ADK: variants seen among roughly 807,000 people sequenced by gnomAD.
ADK encodes the protein N6,N6-dimethyladenosine kinase.
ADK carries 24 observed loss-of-function variants against 44.7 expected under a neutral mutation model. The ratio of observed to expected loss-of-function variants is 0.54; its 90% confidence interval spans 0.39 to 0.76. The LOEUF (loss-of-function observed/expected upper bound fraction) is 0.76, where lower values mean the gene tolerates loss of function less well. Ranked by LOEUF, ADK falls within the 30% of genes least tolerant of loss-of-function variation. The pLI is 0.00. For missense variants in ADK, 321 were observed against 425.1 expected, an observed-to-expected ratio of 0.76 and a Z score of 2.15; for synonymous variants, 128 against 142.6, an observed-to-expected ratio of 0.90 and a Z score of 0.73.
At position 74,412,100 on chromosome 10, in the gene ADK, C is replaced by G. The variant is rs1844202412; in HGVS notation, c.555+13521C>G. Among the ~76,000 whole-genome samples, 3 of 152,158 alleles carry G rather than the reference C, an allele frequency of 2.0e-5. No individual in the cohort carries two copies. In the South Asian group the frequency reaches 6.2e-4, roughly 31 times the overall value. On this transcript the variant is annotated intron_variant, in intron 6 of 10. Transcript: ENST00000539909. Reference sequence around the variant, plus strand: ...CTTCTTCCACTGAAGTCTTGAAGCCCTCAAAGTCATCCATGAGGGTTGGAA... The same window carrying G: ...CTTCTTCCACTGAAGTCTTGAAGCCGTCAAAGTCATCCATGAGGGTTGGAA...
intron 6 of ADK, among the ~76,000 whole-genome samples, chr10:74,520,436 A>C (rs77249353): frequency 0.048 from 7,302 of 151,938 alleles, 539 homozygotes; most frequent in African/African-American, 0.15. Flanking sequence ...GTTATAAATA[A>C]CTGAAATTTA....
rs531463603 is a variant in ADK, at chr10:74,311,644, A to G, written c.195-3023A>G. On this transcript the variant is annotated intron_variant, in intron 3 of 10. Transcript: ENST00000539909. The stretch of plus-strand genomic sequence containing the variant: ...AGAAACTTGGCTGGAAAAAATTGAT[A>G]TAAAGAATGTTTCTAAATATCAGCC... 1.1e-4 allele frequency among the ~76,000 whole-genome samples: 16 copies of G among 152,334 alleles called. No individual in the cohort carries two copies. The South Asian group carries it at 3.3e-3, about 32-fold the overall frequency.
intron 6 of ADK, among the ~76,000 whole-genome samples, chr10:74,493,509 T>C (rs912407946): frequency 6.6e-6 from 1 of 151,260 alleles, no homozygotes; most frequent in Admixed American, 6.6e-5. Flanking sequence ...GAGATATAGA[T>C]ATATAGATAT....
intron 9 of ADK, among the ~76,000 whole-genome samples, chr10:74,639,416 CTA>C (rs1266306097): frequency 6.6e-6 from 1 of 152,162 alleles, no homozygotes; most frequent in Non-Finnish European, 1.5e-5. Flanking sequence ...CAACTTGAAA[CTA>C]TATATATTAT....
At position 74,183,947 on chromosome 10, in the gene ADK, C is replaced by T. The variant is rs755973622; in HGVS notation, c.66-16817C>T. Among the ~76,000 whole-genome samples, 11 of 151,550 alleles carry T rather than the reference C, an allele frequency of 7.3e-5. 1 individual carries two copies. Among genetic ancestry groups the T allele is most frequent in the Admixed American group, 3.3e-4 (5 of 15,196 alleles). The stretch of plus-strand genomic sequence containing the variant: ...TTTTATTTTATTCGAGACAGAGTCT[C>T]GCTCTGTCACCCAGGCTGGAGTGCA... On this transcript the variant is annotated intron_variant, in intron 1 of 10. Transcript: ENST00000539909.
At chr10:74,542,880 T>TTTTA (rs1489683134) in intron 7 of ADK, among the ~76,000 whole-genome samples, 22 of 150,942 alleles carry the variant, frequency 1.5e-4, no homozygotes, top group South Asian at 2.1e-4. Context: ...TTTAATTTTA[T>TTTTA]TTTAGTTATT....
intron 6 of ADK, among the ~76,000 whole-genome samples, chr10:74,434,467 C>G (rs994697503): frequency 2.0e-5 from 3 of 152,110 alleles, no homozygotes; most frequent in Non-Finnish European, 4.4e-5. Flanking sequence ...ATTTGCAATT[C>G]TAAAATCGGA....
intron 1 of ADK, among the ~76,000 whole-genome samples, chr10:74,163,672 C>T (rs1263759161): frequency 6.6e-6 from 1 of 152,178 alleles, no homozygotes; most frequent in East Asian, 1.9e-4. Flanking sequence ...TAGGTTTTCT[C>T]AAATTCCTTT....
chr10:74,154,428 C>T (rs752075499), intron 1 of ADK, among the ~76,000 whole-genome samples: 1 of 152,126 alleles, frequency 6.6e-6, no homozygotes, highest in Non-Finnish European at 1.5e-5. Flanking sequence ...ACCACTATGC[C>T]TGGCTAATTT....
At chr10:74,415,342 A>G (rs1283850318) in intron 6 of ADK, among the ~76,000 whole-genome samples, 1 of 152,226 alleles carries the variant, frequency 6.6e-6, no homozygotes, top group Non-Finnish European at 1.5e-5. Flanking sequence ...AATCTCTTTA[A>G]TAAACATGTT....
intron 4 of ADK, among the ~76,000 whole-genome samples, chr10:74,331,909 G>T (rs1483181485): frequency 6.6e-6 from 1 of 152,156 alleles, no homozygotes; most frequent in East Asian, 1.9e-4. Flanking sequence ...CTGAAGCTCA[G>T]TGTTTGCGAT....
At chr10:74,373,855 G>T (rs558392473) in intron 4 of ADK, among the ~76,000 whole-genome samples, 2 of 152,230 alleles carry the variant, frequency 1.3e-5, no homozygotes, top group Non-Finnish European at 1.5e-5. Flanking sequence ...GCAGCATTAT[G>T]TATAATAGCC....
At position 74,374,549 on chromosome 10, in the gene ADK, G is replaced by A. The variant is rs376675790; in HGVS notation, c.274-19592G>A. On this transcript the variant is annotated intron_variant, in intron 4 of 10. Coordinates refer to ENST00000539909, the MANE Select transcript of ADK (RefSeq NM_006721.4). ...CGATCATAATTTTCAGAGACCCAGG[G>A]AGAATTATCTCCCATTTTTTGATTA... Among the ~76,000 whole-genome samples, 40 of 152,208 alleles carry A rather than the reference G, an allele frequency of 2.6e-4. 1 individual carries two copies. The highest frequency in any genetic ancestry group is 6.8e-3 in the Middle Eastern group (2 of 294).
chr10:74,357,297 TA>T (rs1442506486), intron 4 of ADK, among the ~76,000 whole-genome samples: 1 of 152,050 alleles, frequency 6.6e-6, no homozygotes, highest in East Asian at 1.9e-4. Flanking sequence ...CAGACCTTTG[TA>T]GTGTGGTGGT....
At chr10:74,555,025 G>A (rs1036730296) in intron 7 of ADK, among the ~76,000 whole-genome samples, 1 of 151,548 alleles carries the variant, frequency 6.6e-6, no homozygotes, top group Non-Finnish European at 1.5e-5. Flanking sequence ...GGCTGGGCAC[G>A]GTGGCTCACG....
chr10:74,567,618 G>A (rs1417863569), intron 7 of ADK, among the ~76,000 whole-genome samples: 1 of 150,894 alleles, frequency 6.6e-6, no homozygotes, highest in African/African-American at 2.4e-5. Flanking sequence ...CTAAAATTGT[G>A]CCCATTTGTT....
chr10:74,309,251 A>G (rs558518954), intron 3 of ADK, among the ~76,000 whole-genome samples: 1 of 152,244 alleles, frequency 6.6e-6, no homozygotes, highest in South Asian at 2.1e-4. Flanking sequence ...TGCATCCTAA[A>G]TATAACTTAC....
chr10:74,495,320 A>G (rs61495788), intron 6 of ADK, among the ~76,000 whole-genome samples: 6,394 of 146,710 alleles, frequency 0.044, 412 homozygotes, highest in African/African-American at 0.14. Flanking sequence ...TCTTTCATTG[A>G]AGTTGAGCTT....
At chr10:74,437,111 A>G (rs377566722) in intron 6 of ADK, among the ~76,000 whole-genome samples, 2 of 152,322 alleles carry the variant, frequency 1.3e-5, no homozygotes, top group East Asian at 3.9e-4. Context: ...TCATAACACT[A>G]AGCAAGTGAA....
Sources: allele counts gnomAD v4.1 joint callset (sites outside exome capture counted in the v4.1 genomes callset), GRCh38; gene constraint gnomAD v4.1.1; transcripts MANE v1.5; gene names NCBI Gene and HGNC (gene_info 2026-07-23, HGNC 2026-07-21).